The following ICAM3 variants were observed in gnomAD, a reference collection of about 807,000 sequenced individuals.
ICAM3 encodes intercellular adhesion molecule 3.
In ICAM3, 54 loss-of-function variants were observed where a neutral mutation model predicts 43.6. That is an observed-to-expected ratio of 1.24 (90% CI 0.99 to 1.55). The LOEUF is 1.55. Ranked by LOEUF, ICAM3 falls within the 40% of genes most tolerant of loss-of-function variation. ICAM3 has a pLI of 0.00. For missense variants in ICAM3, 715 were observed against 717.9 expected, an observed-to-expected ratio of 1.00 and a Z score of 0.05; for synonymous variants, 306 against 312.6, an observed-to-expected ratio of 0.98 and a Z score of 0.22.
rs909005220 is a variant in ICAM3, at chr19:10,339,540, T to C, written c.75A>G (p.Pro25=). 3.7e-6 allele frequency: 6 copies of C among 1,613,656 alleles called. No individual in the cohort carries two copies. The African/African-American group carries it at 8.0e-5, about 22-fold the overall frequency. ...WTLLVCCLLT[P]GVQGQEFLLR... ...CCTCCCCGGCTTGACTGGTCTCACC[T>C]GGGGTCAGCAGACAGCAGACCAGCA... The change falls in exon 1 of 7, where the codon CCA becomes CCG. Residue 25 remains proline (P), a splice_region_variant and synonymous_variant. Coordinates refer to ENST00000160262, the MANE Select transcript of ICAM3 (RefSeq NM_002162.5).
intron 2 of ICAM3, among the ~76,000 whole-genome samples, 154 bp downstream of exon 2, chr19:10,338,528 C>G (rs955496446): frequency 3.3e-5 from 5 of 152,158 alleles, no homozygotes; most frequent in African/African-American, 1.2e-4. Flanking sequence ...CTCTGTCTAT[C>G]TTTGTATCTC....
rs2040635867 is a variant in ICAM3 at position 10,339,616 on chromosome 19, C to T, written c.-2G>A. ...CACGGATGGTACCATGGTGGCCATT[C>T]TGACAGAGGAAGGTGCCTTCCTGAG... On this transcript the variant is annotated 5_prime_UTR_variant, in exon 1 of 7. Coordinates refer to ENST00000160262, the MANE Select transcript of ICAM3 (RefSeq NM_002162.5). The T allele has an allele frequency of 1.2e-6, 2 of 1,613,394 alleles. No homozygotes were observed. Among genetic ancestry groups the T allele is most frequent in the East Asian group, 4.5e-5 (2 of 44,884 alleles).
In ICAM3 at chr19:10,335,330, G is replaced by A. The variant is rs2040584317; in HGVS notation, c.673C>T (p.Leu225Phe). 1.2e-6 allele frequency: 2 copies of A among 1,609,938 alleles called. No homozygotes were observed. The highest frequency in any genetic ancestry group is 1.3e-5 in the African/African-American group (1 of 74,996). ...TFVLPVTPPR[L>F]VAPRFLEVET... ...ACCTCCAAGAACCGGGGGGCCACGA[G>A]GCGCGGGGGGGTCACGGGCAGGACT... The change falls in exon 4 of 7, where the codon CTC (leucine) becomes TTC (phenylalanine). Residue 225 changes from leucine to phenylalanine, a missense_variant. Leu to Phe is a conservative substitution (Grantham distance 22, BLOSUM62 0). Coordinates refer to ENST00000160262, the MANE Select transcript of ICAM3 (RefSeq NM_002162.5).
In ICAM3 at chr19:10,339,598, G is replaced by A. The variant is rs765064978; in HGVS notation, c.17C>T (p.Pro6Leu). 2 of 1,613,972 alleles carry A rather than the reference G, an allele frequency of 1.2e-6. No homozygotes were observed. Among genetic ancestry groups the A allele is most frequent in the Non-Finnish European group, 1.7e-6 (2 of 1,179,960 alleles). The change falls in exon 1 of 7, where the codon CCA (proline) becomes CTA (leucine). Residue 6 changes from proline (P) to leucine (L), a missense_variant. Physicochemically the swap from Pro to Leu is moderately conservative, Grantham distance 98. Transcript: ENST00000160262. Reference protein sequence around the residue: MATMVPSVLWPRACWT... With the variant: MATMVLSVLWPRACWT... ...GCAGGCCCTGGGCCACAACACGGATGGTACCATGGTGGCCATTCTGACAGA... is the reference window on the plus strand; with the variant it reads ...GCAGGCCCTGGGCCACAACACGGATAGTACCATGGTGGCCATTCTGACAGA...
chr19:10,339,206 A>G, intron 1 of ICAM3: 1 of 587,864 alleles, frequency 1.7e-6, no homozygotes, highest in Non-Finnish European at 3.0e-6. Flanking sequence ...CCGAAACTGA[A>G]GGCTAAGTAG....
chr19:10,334,324 C>G lies in ICAM3; in HGVS notation c.1277G>C (p.Arg426Thr), dbSNP rs139064130. Reference sequence around the variant, plus strand: ...CCGCAGCTCGGGGTACGGGTTGCCCCTGGCTTGGCACTGCAGGACGTGTCT... The same window carrying G: ...CCGCAGCTCGGGGTACGGGTTGCCCGTGGCTTGGCACTGCAGGACGTGTCT... The part of the protein sequence containing the change: ...KTRHVLQCQA[R>T]GNPYPELRCL... Residue 426 changes from arginine (R) to threonine (T), a missense_variant, in exon 6 of 7, where the codon AGG becomes ACG. Arg to Thr is a moderately conservative substitution (Grantham distance 71). Transcript: ENST00000160262. The surrounding 1 kb of genome is among the most constrained non-coding windows in gnomAD (Gnocchi z 5.5). 6.2e-7 allele frequency: 1 copy of G among 1,614,206 alleles called. No individual in the cohort carries two copies. The highest frequency in any genetic ancestry group is 1.7e-5 in the Admixed American group (1 of 60,014).
At position 10,335,103 on chromosome 19, in the gene ICAM3, G is replaced by A. The variant is rs754174102; in HGVS notation, c.900C>T (p.Gly300=). ...REIVCNVTLG[G]ERREARENLT... is the part of the protein sequence containing the mutation. ...AGTTCTCCCGGGCCTCCCGTCTCTC[G>A]CCCCCTAGGGTCACGTTGCAGACGA... Residue 300 remains glycine, a synonymous_variant, in exon 4 of 7, where the codon GGC becomes GGT. Coordinates refer to ENST00000160262, the MANE Select transcript of ICAM3 (RefSeq NM_002162.5). The A allele has an allele frequency of 5.0e-6, 8 of 1,613,152 alleles. No homozygotes were observed. Among genetic ancestry groups the A allele is most frequent in the Non-Finnish European group, 6.8e-6 (8 of 1,179,738 alleles).
rs1377053433 is a variant in ICAM3 at position 10,338,704 on chromosome 19, G to A, written c.321C>T (p.Gly107=). 1 of 1,613,994 alleles carries A rather than the reference G, an allele frequency of 6.2e-7. No individual in the cohort carries two copies. The highest frequency in any genetic ancestry group is 8.5e-7 in the Non-Finnish European group (1 of 1,180,012). The stretch of plus-strand genomic sequence containing the variant: ...CACTGTACACGGTGATGTTAGAGGA[G>A]CCTGTTATCTGAGAGCCATTGCAGT... The part of the protein sequence containing the change: ...SVYCNGSQIT[G]SSNITVYRLP... Residue 107 remains glycine, a synonymous_variant, in exon 2 of 7, where the codon GGC becomes GGT. Coordinates refer to ENST00000160262, the MANE Select transcript of ICAM3 (RefSeq NM_002162.5).
At chr19:10,336,374 A>C in intron 2 of ICAM3, 1 of 198,514 alleles carries the variant, frequency 5.0e-6, no homozygotes, top group Non-Finnish European at 1.1e-5. Context: ...AGGATTATTC[A>C]GTTCTCTCCA....
intron 1 of ICAM3, 57 bp downstream of exon 1, chr19:10,339,482 T>C (rs2040633531): frequency 2.1e-6 from 3 of 1,454,992 alleles, no homozygotes; most frequent in Admixed American, 3.5e-5. Context: ...TCCTCTACCC[T>C]CTACTGATCC....
At chr19:10,338,164 G>T (rs908424771) in intron 2 of ICAM3, among the ~76,000 whole-genome samples, 3 of 151,988 alleles carry the variant, frequency 2.0e-5, no homozygotes, top group African/African-American at 7.2e-5. Context: ...AGCACTTTGG[G>T]AGGCTGAGGT....
chr19:10,334,251 G>A lies in ICAM3; in HGVS notation c.1350C>T (p.Phe450=), dbSNP rs1487688104. The A allele has an allele frequency of 1.9e-6, 3 of 1,614,052 alleles. No individual in the cohort carries two copies. The highest frequency in any genetic ancestry group is 2.5e-6 in the Non-Finnish European group (3 of 1,180,040). Residue 450 remains phenylalanine (F), a synonymous_variant, in exon 6 of 7, where the codon TTC becomes TTT. Coordinates refer to ENST00000160262, the MANE Select transcript of ICAM3 (RefSeq NM_002162.5). The surrounding 1 kb of genome is among the most constrained non-coding windows in gnomAD (Gnocchi z 5.5). The stretch of plus-strand genomic sequence containing the variant: ...TACCATTATGTGTTACGTTGACGAA[G>A]AACGGGATCCCCACCGGCACCTCCC... The part of the protein sequence containing the change: ...SSREVPVGIP[F]FVNVTHNGTY...
rs750307252 is a variant in ICAM3 at position 10,339,606 on chromosome 19, G to A, written c.9C>T (p.Thr3=). MA[T]MVPSVLWPRA... The stretch of plus-strand genomic sequence containing the variant: ...TGGGCCACAACACGGATGGTACCAT[G>A]GTGGCCATTCTGACAGAGGAAGGTG... Residue 3 remains threonine, a synonymous_variant, in exon 1 of 7, where the codon ACC becomes ACT. Coordinates refer to ENST00000160262, the MANE Select transcript of ICAM3 (RefSeq NM_002162.5). The A allele has an allele frequency of 6.2e-7, 1 of 1,613,856 alleles. No homozygotes were observed. The highest frequency in any genetic ancestry group is 8.5e-7 in the Non-Finnish European group (1 of 1,179,922).
intron 3 of ICAM3, 120 bp downstream of exon 3, chr19:10,335,551 G>C: frequency 8.3e-7 from 1 of 1,211,508 alleles, no homozygotes; most frequent in South Asian, 1.5e-5. Flanking sequence ...CAGTGGCCGG[G>C]GGCTTTCCTT....
Position 10,335,113 on chromosome 19 carries a change from GTCACGTT to G in ICAM3, c.883_889del (p.Asn295ProfsTer2), listed in dbSNP as rs770250990. On this transcript the variant is annotated frameshift_variant, in exon 4 of 7. Coordinates refer to ENST00000160262, the MANE Select transcript of ICAM3 (RefSeq NM_002162.5). LOFTEE classifies it high-confidence loss of function. ...GGCCTCCCGTCTCTCGCCCCCTAGG[GTCACGTT>G]GCAGACGATCTCCCGGGCACCCTCC... 4 of 1,613,622 alleles carry G rather than the reference GTCACGTT, an allele frequency of 2.5e-6. No individual in the cohort carries two copies. The highest frequency in any genetic ancestry group is 3.3e-5 in the Admixed American group (2 of 59,992).
At position 10,334,782 on chromosome 19, in the gene ICAM3, C is replaced by T. The variant is rs753753022; in HGVS notation, c.938G>A (p.Ser313Asn). 3.2e-6 allele frequency: 5 copies of T among 1,581,670 alleles called. No individual in the cohort carries two copies. Among genetic ancestry groups the T allele is most frequent in the Non-Finnish European group, 4.3e-6 (5 of 1,161,054 alleles). ...REARENLTVF[S>N]FLGPIVNLSE... ...GAGGTTCACAATGGGTCCTAGGAAG[C>T]CTAAAGGCGGGGCATTGCCCAGGAG... is the stretch of plus-strand genomic sequence containing the variant. Residue 313 changes from serine to asparagine, a missense_variant and splice_region_variant, in exon 5 of 7, where the codon AGC (serine) becomes AAC (asparagine). Transcript: ENST00000160262. The surrounding 1 kb of genome is among the most constrained non-coding windows in gnomAD (Gnocchi z 5.5).
Position 10,338,675 on chromosome 19 carries a change from G to A in ICAM3, c.343+7C>T, listed in dbSNP as rs1311837731. On this transcript the variant is annotated splice_region_variant and intron_variant, in intron 2 of 6. Transcript: ENST00000160262. Reference sequence around the variant, plus strand: ...GACCAGTCCCACCTCCGGACACGTCGACTCACTGTACACGGTGATGTTAGA... The same window carrying A: ...GACCAGTCCCACCTCCGGACACGTCAACTCACTGTACACGGTGATGTTAGA... 1.2e-5 allele frequency: 20 copies of A among 1,613,062 alleles called. No individual in the cohort carries two copies. Among genetic ancestry groups the A allele is most frequent in the Non-Finnish European group, 1.7e-5 (20 of 1,179,328 alleles).
intron 1 of ICAM3, chr19:10,339,238 A>G: frequency 1.7e-6 from 1 of 583,174 alleles, no homozygotes; most frequent in Admixed American, 3.1e-5. Flanking sequence ...TGAAAGGGAC[A>G]GGTGATCCTG....
chr19:10,334,590 G>A lies in ICAM3; in HGVS notation c.1130C>T (p.Ala377Val). 1 of 1,613,786 alleles carries A rather than the reference G, an allele frequency of 6.2e-7. No homozygotes were observed. Among genetic ancestry groups the A allele is most frequent in the Non-Finnish European group, 8.5e-7 (1 of 1,179,978 alleles). ...GAACTCGCCGTCCACCTCGAGAGTGGCACTGCAGAAGAAGCTGCGTCCGTC... is the reference window on the plus strand; with the variant it reads ...GAACTCGCCGTCCACCTCGAGAGTGACACTGCAGAAGAAGCTGCGTCCGTC... ...SDDGRSFFCS[A>V]TLEVDGEFLH... The change falls in exon 5 of 7, where the codon GCC (alanine) becomes GTC (valine). Residue 377 changes from alanine to valine, a missense_variant. Physicochemically the swap from Ala to Val is moderately conservative, Grantham distance 64. Transcript: ENST00000160262. The surrounding 1 kb of genome is among the most constrained non-coding windows in gnomAD (Gnocchi z 5.5).
Sources: gnomAD v4.1 joint callset for allele counts (sites outside exome capture counted in the v4.1 genomes callset) on GRCh38, gnomAD v4.1.1 for gene constraint, Gnocchi (gnomAD v3.1) non-coding constraint, MANE v1.5 for transcripts, NCBI Gene and HGNC (gene_info 2026-07-23, HGNC 2026-07-21) for gene names.